The following TOM1 variants were observed in gnomAD, a reference collection of about 807,000 sequenced individuals.
The protein encoded by TOM1 is target of myb1 membrane trafficking protein.
A neutral mutation model predicts 61.3 loss-of-function variants in TOM1; 38 were observed. The observed-to-expected ratio is 0.62, with a 90% CI of 0.48 to 0.81. The LOEUF is 0.81. TOM1 is among the 40% of genes least tolerant of loss of function. TOM1 has a pLI of 0.00. For synonymous variants in TOM1, 270 were observed against 268.8 expected (o/e 1.00, Z -0.04); for missense variants, 591 against 659.6 (o/e 0.90, Z 1.14).
chr22:35,300,821 G>T (rs1350289863), intron 1 of TOM1, among the ~76,000 whole-genome samples: 1 of 152,182 alleles, frequency 6.6e-6, no homozygotes, highest in African/African-American at 2.4e-5. Flanking sequence ...ACCTCCGTGG[G>T]CTTGTTGTGA....
Position 35,299,958 on chromosome 22 carries a change from C to G in TOM1, c.30C>G (p.Ser10Arg). The G allele has an allele frequency of 6.3e-7, 1 of 1,581,878 alleles. No individual in the cohort carries two copies. The highest frequency in any genetic ancestry group is 8.6e-7 in the Non-Finnish European group (1 of 1,162,506). MDFLLGNPF[S>R]SPVGQRIEKA... ...ACTTTCTCCTGGGGAACCCGTTCAG[C>G]TCTCCAGTGGGACAGCGCATCGGTG... Residue 10 changes from serine (S) to arginine (R), a missense_variant, in exon 1 of 15, where the codon AGC becomes AGG. Ser to Arg is a moderately radical substitution (Grantham distance 110). Transcript: ENST00000449058.
At chr22:35,332,344 T>C (rs1032260616) in intron 8 of TOM1, among the ~76,000 whole-genome samples, 2 of 152,144 alleles carry the variant, frequency 1.3e-5, no homozygotes, top group Non-Finnish European at 2.9e-5. Context: ...CAGTCACTTA[T>C]ACCCATGTCC....
intron 8 of TOM1, among the ~76,000 whole-genome samples, chr22:35,331,700 A>G (rs1232045213): frequency 6.6e-6 from 1 of 152,202 alleles, no homozygotes; most frequent in Non-Finnish European, 1.5e-5. Context: ...CCAGGCCAAC[A>G]TGGTGAAACC....
At chr22:35,325,665 G>T (rs1178955093) in intron 6 of TOM1, among the ~76,000 whole-genome samples, 1 of 152,134 alleles carries the variant, frequency 6.6e-6, no homozygotes, top group African/African-American at 2.4e-5. Context: ...TGGGTTAAAG[G>T]TGTGTAAAAA....
At chr22:35,339,491 T>C (rs1929681442) in intron 12 of TOM1, among the ~76,000 whole-genome samples, 1 of 152,236 alleles carries the variant, frequency 6.6e-6, no homozygotes, top group African/African-American at 2.4e-5. Flanking sequence ...TTGTTTATAA[T>C]AGAAGTGTGA....
At chr22:35,339,109 T>G (rs1233978598) in intron 12 of TOM1, among the ~76,000 whole-genome samples, 1 of 151,964 alleles carries the variant, frequency 6.6e-6, no homozygotes, top group Non-Finnish European at 1.5e-5. Context: ...GGCGGGTGGA[T>G]CACCTGAGGT....
In TOM1 at chr22:35,330,030, A is replaced by T. The variant is rs559069455; in HGVS notation, c.766-317A>T. ...CGCGGTGGCTCACGCCTGTAATCCC[A>T]GCACTTTGGGAGGCCGAGGCAGGCA... is the stretch of plus-strand genomic sequence containing the variant. On this transcript the variant is annotated intron_variant, in intron 7 of 14. Transcript: ENST00000449058. 2.0e-4 allele frequency among the ~76,000 whole-genome samples: 30 copies of T among 152,266 alleles called. No individual in the cohort carries two copies. In the East Asian group the frequency reaches 5.6e-3, roughly 28 times the overall value.
At position 35,345,801 on chromosome 22, in the gene TOM1, T is replaced by C. The variant is rs759639799; in HGVS notation, c.1284+17T>C. ...ACTGACGTGGTATGTTGGGGCCCAC[T>C]CCTCACCCACACAGCAGGAGGACCC... On this transcript the variant is annotated intron_variant, in intron 13 of 14. Transcript: ENST00000449058. 1.2e-4 allele frequency: 190 copies of C among 1,613,092 alleles called. No homozygotes were observed. Among genetic ancestry groups the C allele is most frequent in the Non-Finnish European group, 1.5e-4 (181 of 1,179,718 alleles).
chr22:35,323,005 G>A lies in TOM1; in HGVS notation c.217-23G>A, dbSNP rs561239059. 3.5e-5 allele frequency: 57 copies of A among 1,612,794 alleles called. No individual in the cohort carries two copies. The highest frequency in any genetic ancestry group is 2.2e-4 in the South Asian group (20 of 91,062). ...CTCCTCTCCTCTGACCAAGGTGCTC[G>A]ACGGCACCTCTCGGCCCTCCAGGTC... On this transcript the variant is annotated intron_variant, in intron 3 of 14. Coordinates refer to ENST00000449058, the MANE Select transcript of TOM1 (RefSeq NM_005488.3). This position sits in a 1 kb window ranked among gnomAD's most constrained non-coding sequence, Gnocchi z 4.2.
rs1928988975 is a variant in TOM1 at position 35,333,192 on chromosome 22, A to C, written c.933+178A>C. 3 of 814,944 alleles carry C rather than the reference A, an allele frequency of 3.7e-6. No individual in the cohort carries two copies. The Admixed American group carries it at 6.8e-5, about 18-fold the overall frequency. 50.5% of individuals were successfully genotyped at this position (814,944 alleles called of 1,614,324 possible). On this transcript the variant is annotated intron_variant, in intron 9 of 14. Transcript: ENST00000449058. ...CCTTTAAGGTAAATAAGGCTGTGCC[A>C]CCACCTGATGCCCCAGGGTCTCCCC...
At chr22:35,329,218 A>G (rs1928606607) in intron 7 of TOM1, among the ~76,000 whole-genome samples, 1 of 152,172 alleles carries the variant, frequency 6.6e-6, no homozygotes, top group South Asian at 2.1e-4. Context: ...GGCCTCCCCA[A>G]GTGCTGGGAT....
Position 35,323,060 on chromosome 22 carries a change from C to A in TOM1, c.249C>A (p.His83Gln), listed in dbSNP as rs1408902320. 6.2e-7 allele frequency: 1 copy of A among 1,614,172 alleles called. No homozygotes were observed. The change falls in exon 4 of 15, where the codon CAC (histidine) becomes CAA (glutamine). Residue 83 changes from histidine to glutamine, a missense_variant. His to Gln is a conservative substitution (Grantham distance 24). Coordinates refer to ENST00000449058, the MANE Select transcript of TOM1 (RefSeq NM_005488.3). The surrounding 1 kb of genome is among the most constrained non-coding windows in gnomAD (Gnocchi z 4.2). ...AAACCTGTGTCAAGAACTGCGGGCA[C>A]CGCTTCCACGTGCTGGTGGCCAGCC... ...VLETCVKNCG[H>Q]RFHVLVASQD...
At chr22:35,332,440 C>T (rs1302600800) in intron 8 of TOM1, among the ~76,000 whole-genome samples, 1 of 152,148 alleles carries the variant, frequency 6.6e-6, no homozygotes, top group South Asian at 2.1e-4. Context: ...ATAATTTACC[C>T]GAGGTCATGT....
intron 1 of TOM1, among the ~76,000 whole-genome samples, chr22:35,307,978 A>G (rs1191162362): frequency 3.9e-5 from 6 of 152,178 alleles, no homozygotes; most frequent in Non-Finnish European, 8.8e-5. Flanking sequence ...ACCCGCGTAA[A>G]GCGTATTGCC....
rs541216710 is a variant in TOM1, at chr22:35,323,443, C to T, written c.367-53C>T. 443 of 1,593,334 alleles carry T rather than the reference C, an allele frequency of 2.8e-4. 1 individual carries two copies. In the African/African-American group the frequency reaches 5.4e-3, roughly 20 times the overall value. ...GTTCTCTGTCTGAGTGCCAGGTGGG[C>T]AGGCTCACAGGTGAGCTGTGGTTAC... On this transcript the variant is annotated intron_variant, in intron 4 of 14. Transcript: ENST00000449058. This position sits in a 1 kb window ranked among gnomAD's most constrained non-coding sequence, Gnocchi z 4.2.
rs1231444140 is a variant in TOM1, at chr22:35,323,178, G to T, written c.366+1G>T. On this transcript the variant is annotated splice_donor_variant, in intron 4 of 14. Coordinates refer to ENST00000449058, the MANE Select transcript of TOM1 (RefSeq NM_005488.3). LOFTEE classifies it high-confidence loss of function. This position sits in a 1 kb window ranked among gnomAD's most constrained non-coding sequence, Gnocchi z 4.2. ...TGACAAAGTGCTCAACCTCATCCAG[G>T]TGAGTGCCAGGACAGGGCAGGGCAC... The T allele has an allele frequency of 6.2e-7, 1 of 1,613,568 alleles. No individual in the cohort carries two copies. The highest frequency in any genetic ancestry group is 8.5e-7 in the Non-Finnish European group (1 of 1,180,024).
At chr22:35,339,443 CTT>C (rs1929677762) in intron 12 of TOM1, among the ~76,000 whole-genome samples, 1 of 152,186 alleles carries the variant, frequency 6.6e-6, no homozygotes, top group Non-Finnish European at 1.5e-5. Context: ...CCCTCAGTCT[CTT>C]TATCTGTACA....
At chr22:35,304,754 A>G (rs1249511686) in intron 1 of TOM1, among the ~76,000 whole-genome samples, 1 of 152,234 alleles carries the variant, frequency 6.6e-6, no homozygotes, top group Non-Finnish European at 1.5e-5. Flanking sequence ...CTGGGATTAC[A>G]GGCGTGAGCC....
chr22:35,345,492 G>T (rs1226971648), intron 12 of TOM1: 4 of 590,084 alleles, frequency 6.8e-6, no homozygotes, highest in Non-Finnish European at 1.2e-5. Context: ...AGCTCCCTCT[G>T]ACCCCTGGCC....
Sources: gnomAD v4.1 joint callset for allele counts (sites outside exome capture counted in the v4.1 genomes callset) on GRCh38, gnomAD v4.1.1 for gene constraint, Gnocchi (gnomAD v3.1) non-coding constraint, MANE v1.5 for transcripts, NCBI Gene and HGNC (gene_info 2026-07-23, HGNC 2026-07-21) for gene names.